Variants in EYS observed in about 807,000 individuals in gnomAD.
EYS encodes EGF-like photoreceptor maintenance factor.
EYS carries 250 observed loss-of-function variants against 282.1 expected under a neutral mutation model. The observed-to-expected ratio is 0.89, with a 90% CI of 0.80 to 0.98. The LOEUF is 0.98. Ranked by LOEUF, EYS falls within the 50% of genes least tolerant of loss-of-function variation. EYS has a pLI of 0.00. For missense variants in EYS, 4,016 were observed against 3,709.0 expected (o/e 1.08, Z -2.15); for synonymous variants, 1,355 against 1,282.9 (o/e 1.06, Z -1.20).
chr6:64,418,303 G>A (rs1021986012), intron 28 of EYS, among the ~76,000 whole-genome samples: 1 of 152,172 alleles, frequency 6.6e-6, no homozygotes, highest in African/African-American at 2.4e-5. Context: ...ACATATTAAA[G>A]TATGTATCTT....
intron 31 of EYS, among the ~76,000 whole-genome samples, chr6:64,198,308 A>G (rs1182250082): frequency 6.6e-6 from 1 of 151,838 alleles, no homozygotes; most frequent in South Asian, 2.1e-4. Flanking sequence ...CACCCGGCCT[A>G]TAATTTTTTT....
chr6:64,927,974 T>A (rs1257325688), intron 15 of EYS, among the ~76,000 whole-genome samples: 1 of 151,960 alleles, frequency 6.6e-6, no homozygotes, highest in Admixed American at 6.6e-5. Flanking sequence ...GAACTGTGAA[T>A]GGGGCACAAG....
At chr6:64,483,921 A>G (rs1401436211) in intron 26 of EYS, among the ~76,000 whole-genome samples, 1 of 151,704 alleles carries the variant, frequency 6.6e-6, no homozygotes, top group East Asian at 1.9e-4. Flanking sequence ...CATAGATTAC[A>G]ATTTTTCAGA....
rs567182042 is a variant in EYS, at chr6:64,539,499, C to T, written c.5644+50724G>A. Among the ~76,000 whole-genome samples the T allele has an allele frequency of 1.9e-4, 29 of 152,130 alleles. No homozygotes were observed. In the East Asian group the frequency reaches 1.9e-3, roughly 10 times the overall value. On this transcript the variant is annotated intron_variant, in intron 26 of 42. Coordinates refer to ENST00000503581, the MANE Select transcript of EYS (RefSeq NM_001142800.2). The stretch of plus-strand genomic sequence containing the variant: ...CTGAGGTGGGAGGATAGCCTGAGCC[C>T]GGGAGATTGAGGCTGCAGAGATGAT...
chr6:65,368,781 C>T (rs1765016649), intron 8 of EYS, among the ~76,000 whole-genome samples: 2 of 151,524 alleles, frequency 1.3e-5, no homozygotes, highest in Admixed American at 1.3e-4. Flanking sequence ...AAGCATAAGC[C>T]AACTTCCCTC....
At chr6:65,134,755 G>A (rs983100281) in intron 12 of EYS, among the ~76,000 whole-genome samples, 1 of 151,996 alleles carries the variant, frequency 6.6e-6, no homozygotes, top group African/African-American at 2.4e-5. Flanking sequence ...AAAATAAAAA[G>A]AGAGGGAAAG....
intron 14 of EYS, among the ~76,000 whole-genome samples, chr6:64,947,678 A>G (rs1345973651): frequency 6.9e-6 from 1 of 144,926 alleles, no homozygotes; most frequent in East Asian, 2.0e-4. Context: ...TGTAAACATT[A>G]AAAGAGGACT....
intron 22 of EYS, among the ~76,000 whole-genome samples, chr6:64,654,292 T>C (rs563077389): frequency 5.4e-4 from 83 of 152,360 alleles, no homozygotes; most frequent in Non-Finnish European, 1.0e-3. Flanking sequence ...ATAATATGCA[T>C]ATCTCTACTT....
intron 26 of EYS, among the ~76,000 whole-genome samples, chr6:64,540,469 G>T (rs1764667238): frequency 7.1e-6 from 1 of 141,842 alleles, no homozygotes; most frequent in Admixed American, 7.5e-5. Flanking sequence ...TGAGGTCCAA[G>T]TACAGATTTT....
At chr6:65,694,888 C>A (rs77017163) in intron 1 of EYS, among the ~76,000 whole-genome samples, 5 of 151,550 alleles carry the variant, frequency 3.3e-5, no homozygotes, top group East Asian at 2.0e-4. Flanking sequence ...GACAGTATTG[C>A]GTAAGAAAAA....
intron 26 of EYS, among the ~76,000 whole-genome samples, chr6:64,526,928 T>C (rs1197391536): frequency 6.6e-6 from 1 of 151,844 alleles, no homozygotes; most frequent in Non-Finnish European, 1.5e-5. Flanking sequence ...TGTTAAATTC[T>C]AAGTGATCCA....
At chr6:64,129,235 C>A (rs1312266498) in intron 31 of EYS, among the ~76,000 whole-genome samples, 1 of 152,152 alleles carries the variant, frequency 6.6e-6, no homozygotes, top group African/African-American at 2.4e-5. Context: ...TTTACAGTCC[C>A]ACCAACAGTG....
intron 35 of EYS, among the ~76,000 whole-genome samples, chr6:63,916,900 G>T (rs1764437113): frequency 6.6e-6 from 1 of 152,172 alleles, no homozygotes; most frequent in South Asian, 2.1e-4. Context: ...GAAGTTCCAG[G>T]TGCTGTGTAT....
intron 42 of EYS, among the ~76,000 whole-genome samples, chr6:63,726,245 G>A (rs1027393424): frequency 9.2e-5 from 14 of 152,020 alleles, no homozygotes; most frequent in African/African-American, 3.4e-4. Context: ...TAGTACTATC[G>A]TGCATGGCTT....
chr6:65,464,447 G>A (rs1764926290), intron 5 of EYS, among the ~76,000 whole-genome samples: 1 of 152,124 alleles, frequency 6.6e-6, no homozygotes, highest in African/African-American at 2.4e-5. Context: ...AAATATATCT[G>A]TGAAAACTGA....
chr6:64,345,497 T>G (rs932592175), intron 29 of EYS, among the ~76,000 whole-genome samples: 2 of 152,236 alleles, frequency 1.3e-5, no homozygotes, highest in Admixed American at 1.3e-4. Flanking sequence ...TGGCTAGCCA[T>G]ATGTAGAAAG....
chr6:64,070,566 A>G (rs1372873307), intron 32 of EYS, among the ~76,000 whole-genome samples: 1 of 152,068 alleles, frequency 6.6e-6, no homozygotes, highest in Admixed American at 6.6e-5. Context: ...TCATGTCTGA[A>G]TAACCATACA....
intron 33 of EYS, among the ~76,000 whole-genome samples, chr6:64,045,671 T>C (rs1770588540): frequency 6.6e-6 from 1 of 150,814 alleles, no homozygotes; most frequent in South Asian, 2.1e-4. Context: ...AGTCTCAAAC[T>C]CCTGACCTCA....
intron 26 of EYS, among the ~76,000 whole-genome samples, chr6:64,442,433 A>T (rs969884735): frequency 6.6e-6 from 1 of 152,212 alleles, no homozygotes; most frequent in Non-Finnish European, 1.5e-5. Flanking sequence ...CCATTTTCTG[A>T]GGAGAAATTA....
Sources: gnomAD v4.1 joint callset for allele counts (sites outside exome capture counted in the v4.1 genomes callset) on GRCh38, gnomAD v4.1.1 for gene constraint, MANE v1.5 for transcripts, NCBI Gene and HGNC (gene_info 2026-07-23, HGNC 2026-07-21) for gene names.